Variants in EAPP observed in about 807,000 individuals in gnomAD.
EAPP encodes E2F associated phosphoprotein, also known as E2F-associated phosphoprotein.
A neutral mutation model predicts 34.3 loss-of-function variants in EAPP; 38 were observed. That is an observed-to-expected ratio of 1.11 (90% CI 0.85 to 1.45). The LOEUF (loss-of-function observed/expected upper bound fraction) is 1.45, where lower values mean the gene tolerates loss of function less well. Among genes scored for constraint, EAPP ranks in the 40% most tolerant of loss-of-function variants. The pLI, the probability that EAPP is intolerant of heterozygous loss-of-function variation, is 0.00. For missense variants in EAPP, 338 were observed against 343.7 expected (o/e 0.98, Z 0.13); for synonymous variants, 113 against 117.6 (o/e 0.96, Z 0.25).
chr14:34,527,471 G>A (rs191667628), intron 4 of EAPP, among the ~76,000 whole-genome samples: 1 of 152,080 alleles, frequency 6.6e-6, no homozygotes, highest in Admixed American at 6.6e-5. Flanking sequence ...TGAGGATACT[G>A]TGAGCTATAA....
At chr14:34,536,679 C>T (rs1180947150) in intron 1 of EAPP, among the ~76,000 whole-genome samples, 2 of 151,734 alleles carry the variant, frequency 1.3e-5, no homozygotes, top group Non-Finnish European at 2.9e-5. Context: ...AATGGGGTTT[C>T]GCCATGTTGC....
chr14:34,529,071 G>A (rs149054008), intron 4 of EAPP, among the ~76,000 whole-genome samples: 9,509 of 152,132 alleles, frequency 0.063, 599 homozygotes, highest in African/African-American at 0.17. Flanking sequence ...AGGAGGCGGA[G>A]GTTGCAGTGA....
At chr14:34,531,215 G>A (rs1880278215) in intron 3 of EAPP, among the ~76,000 whole-genome samples, 1 of 152,150 alleles carries the variant, frequency 6.6e-6, no homozygotes, top group Non-Finnish European at 1.5e-5. Context: ...TGAGGCACCA[G>A]AATCGCTTGA....
intron 1 of EAPP, among the ~76,000 whole-genome samples, chr14:34,537,225 G>C (rs1453564181): frequency 6.6e-6 from 1 of 152,064 alleles, no homozygotes; most frequent in African/African-American, 2.4e-5. Flanking sequence ...TGCTCAGGCT[G>C]GTCTTGAACT....
intron 3 of EAPP, among the ~76,000 whole-genome samples, chr14:34,532,942 G>C (rs1396489446): frequency 1.3e-5 from 2 of 152,142 alleles, no homozygotes; most frequent in Non-Finnish European, 2.9e-5. Context: ...CTCCCAAAGT[G>C]CTGGGATTAC....
chr14:34,521,946 TTC>T (rs1378121187), intron 5 of EAPP, among the ~76,000 whole-genome samples: 1 of 151,788 alleles, frequency 6.6e-6, no homozygotes, highest in Non-Finnish European at 1.5e-5. Context: ...GTTCCCAGAT[TTC>T]TGTTTTATTT....
At chr14:34,531,397 TC>T (rs529647056) in intron 3 of EAPP, among the ~76,000 whole-genome samples, 50 of 152,084 alleles carry the variant, frequency 3.3e-4, no homozygotes, top group African/African-American at 1.2e-3. Context: ...GGTCAGGAGA[TC>T]GAGACCATCC....
chr14:34,530,191 A>G (rs1403264761), intron 3 of EAPP, among the ~76,000 whole-genome samples: 1 of 151,190 alleles, frequency 6.6e-6, no homozygotes, highest in African/African-American at 2.4e-5. Flanking sequence ...CAAGAGCAAA[A>G]CTCCGTCTCA....
At position 34,518,325 on chromosome 14, in the gene EAPP, A is replaced by ATTTTTTTTTTTTT. The variant is rs71404852; in HGVS notation, c.582-1752_582-1740dup. ...TACTGTATTGTATCTCTCCCTTTAGATTTTTTTTTTTTTTTTTTTTTTTTT... is the reference window on the plus strand; with the variant it reads ...TACTGTATTGTATCTCTCCCTTTAGATTTTTTTTTTTTTTTTTTTTTTTTTTTTTTTTTTTTTT... On this transcript the variant is annotated intron_variant, in intron 5 of 5. Transcript: ENST00000250454. Among the ~76,000 whole-genome samples, 8 of 74,082 alleles carry ATTTTTTTTTTTTT rather than the reference A, an allele frequency of 1.1e-4. 2 individuals carry two copies. Among genetic ancestry groups the ATTTTTTTTTTTTT allele is most frequent in the African/African-American group, 2.7e-4 (4 of 14,626 alleles). 48.6% of individuals were successfully genotyped at this position (74,082 alleles called of 152,430 possible).
rs111706857 is a variant in EAPP, at chr14:34,533,864, T to C, written c.257-325A>G. On this transcript the variant is annotated intron_variant, in intron 2 of 5. Transcript: ENST00000250454. Reference sequence around the variant, plus strand: ...GTCATACAGTATACCATGCAGAACATAGAACAAACATTTTGTTCTAAGAAA... The same window carrying C: ...GTCATACAGTATACCATGCAGAACACAGAACAAACATTTTGTTCTAAGAAA... 6.7e-3 allele frequency among the ~76,000 whole-genome samples: 1,019 copies of C among 152,196 alleles called. 8 individuals are homozygous for C. Among genetic ancestry groups the C allele is most frequent in the African/African-American group, 0.023 (949 of 41,540 alleles).
Position 34,539,578 on chromosome 14 carries a change from G to C in EAPP, c.51C>G (p.Ser17Arg), listed in dbSNP as rs1405306795. The C allele has an allele frequency of 6.2e-7, 1 of 1,602,990 alleles. No individual in the cohort carries two copies. Among genetic ancestry groups the C allele is most frequent in the African/African-American group, 1.3e-5 (1 of 74,686 alleles). ...ACCTGCTCAAAGCCGGCTCCTCGTC[G>C]CTAGGCTCTTCAACCGCGTAGGGGT... ...DYDPYAVEEP[S>R]DEEPALSSSE... is the part of the protein sequence containing the mutation. Residue 17 changes from serine (S) to arginine (R), a missense_variant, in exon 1 of 6, where the codon AGC becomes AGG. Transcript: ENST00000250454.
chr14:34,537,076 T>C (rs1025385164), intron 1 of EAPP, among the ~76,000 whole-genome samples: 3 of 152,258 alleles, frequency 2.0e-5, no homozygotes, highest in Admixed American at 1.3e-4. Flanking sequence ...AATGGTGCCA[T>C]CTTGGCTCAC....
intron 4 of EAPP, 117 bp downstream of exon 4, chr14:34,529,241 G>T: frequency 1.4e-6 from 1 of 731,498 alleles, no homozygotes; most frequent in Non-Finnish European, 2.2e-6. Flanking sequence ...TAACTTTTTT[G>T]TTTGTGTGTG....
At chr14:34,524,063 C>A (rs1041350538) in intron 5 of EAPP, among the ~76,000 whole-genome samples, 2 of 151,714 alleles carry the variant, frequency 1.3e-5, no homozygotes, top group African/African-American at 4.8e-5. Flanking sequence ...CAAGACCAAC[C>A]TGGCCAACAT....
rs1040684961 is a variant in EAPP at position 34,535,561 on chromosome 14, T to C, written c.256+533A>G. ...CATTCTCCTGCCTCAGCCTCCCGAG[T>C]AGCTGGGACTACAGGCGCCTGCCAC... On this transcript the variant is annotated intron_variant, in intron 2 of 5. Transcript: ENST00000250454. Among the ~76,000 whole-genome samples the C allele has an allele frequency of 2.0e-5, 3 of 150,688 alleles. No homozygotes were observed. In the Admixed American group the frequency reaches 2.0e-4, roughly 10 times the overall value.
At chr14:34,539,495 G>C in intron 1 of EAPP, 60 bp downstream of exon 1, 1 of 1,557,188 alleles carries the variant, frequency 6.4e-7, no homozygotes, top group Non-Finnish European at 8.8e-7. Flanking sequence ...AACGAATGGA[G>C]GCGACCAAAG....
chr14:34,534,628 C>T (rs1278356987), intron 2 of EAPP, among the ~76,000 whole-genome samples: 1 of 151,234 alleles, frequency 6.6e-6, no homozygotes, highest in Non-Finnish European at 1.5e-5. Context: ...TTTTTTTTAA[C>T]TCGAGTAAAA....
At chr14:34,530,286 G>A (rs1174115574) in intron 3 of EAPP, among the ~76,000 whole-genome samples, 2 of 151,908 alleles carry the variant, frequency 1.3e-5, no homozygotes, top group East Asian at 3.9e-4. Context: ...TAATCCTAGA[G>A]CTTTGAGGGG....
intron 5 of EAPP, among the ~76,000 whole-genome samples, chr14:34,523,047 A>G (rs994838122): frequency 2.0e-5 from 3 of 152,038 alleles, no homozygotes; most frequent in Admixed American, 2.0e-4. Flanking sequence ...CAGATATGGA[A>G]GAACAATTCT....
Sources: allele counts gnomAD v4.1 joint callset (sites outside exome capture counted in the v4.1 genomes callset), GRCh38; gene constraint gnomAD v4.1.1; transcripts MANE v1.5; gene names NCBI Gene and HGNC (gene_info 2026-07-23, HGNC 2026-07-21).